CCSER1: variants seen among roughly 807,000 people sequenced by gnomAD.
CCSER1 encodes the protein serine-rich coiled-coil domain-containing protein 1.
In CCSER1, 41 loss-of-function variants were observed where a neutral mutation model predicts 82.0. The ratio of observed to expected loss-of-function variants is 0.50; its 90% CI spans 0.39 to 0.65. The LOEUF (loss-of-function observed/expected upper bound fraction) is 0.65. Among genes scored for constraint, CCSER1 ranks in the 30% least tolerant of loss-of-function variants. The probability of loss-of-function intolerance (pLI) is 0.00; values close to 1 mark genes in which losing one functional copy is unlikely to be tolerated. For missense variants in CCSER1, 1,119 were observed against 1,064.2 expected (o/e 1.05, Z -0.72); for synonymous variants, 414 against 383.9 (o/e 1.08, Z -0.92).
chr4:90,230,298 G>A (rs1162115688), intron 1 of CCSER1, among the ~76,000 whole-genome samples: 1 of 152,238 alleles, frequency 6.6e-6, no homozygotes, highest in East Asian at 1.9e-4. Context: ...AATCAAACTA[G>A]AACTCAGGAT....
intron 10 of CCSER1, among the ~76,000 whole-genome samples, chr4:91,238,901 G>A (rs921921546): frequency 5.3e-5 from 8 of 151,262 alleles, no homozygotes; most frequent in Admixed American, 2.6e-4. Context: ...TCAGCTCACC[G>A]CAACCTCTGC....
At position 90,224,147 on chromosome 4, in the gene CCSER1, A is replaced by T. The variant is rs558585425; in HGVS notation, c.-41-84097A>T. Among the ~76,000 whole-genome samples, 6 of 152,308 alleles carry T rather than the reference A, an allele frequency of 3.9e-5. No individual in the cohort carries two copies. In the East Asian group the frequency reaches 9.7e-4, roughly 25 times the overall value. ...ACAAATCTTTAGAGATTTTATATTTATCTGTGTACAGAACCCAGCTAATCA... is the reference window on the plus strand; with the variant it reads ...ACAAATCTTTAGAGATTTTATATTTTTCTGTGTACAGAACCCAGCTAATCA... On this transcript the variant is annotated intron_variant, in intron 1 of 10. Transcript: ENST00000509176.
At chr4:90,410,913 A>C (rs1754668928) in intron 4 of CCSER1, among the ~76,000 whole-genome samples, 1 of 152,238 alleles carries the variant, frequency 6.6e-6, no homozygotes, top group African/African-American at 2.4e-5. Flanking sequence ...GAAGAATCAA[A>C]TAGACACAAT....
chr4:90,419,260 G>A (rs879412104), intron 4 of CCSER1, among the ~76,000 whole-genome samples: 3 of 151,842 alleles, frequency 2.0e-5, no homozygotes, highest in Admixed American at 6.6e-5. Flanking sequence ...TACTTCAAAA[G>A]GGATACAATA....
chr4:90,578,140 TA>T (rs769202719), intron 5 of CCSER1, among the ~76,000 whole-genome samples: 3 of 152,184 alleles, frequency 2.0e-5, no homozygotes, highest in Non-Finnish European at 2.9e-5. Context: ...TGAGGATTTT[TA>T]AGAAGTAAAA....
intron 10 of CCSER1, among the ~76,000 whole-genome samples, chr4:91,115,841 T>TTATATATATATATATA (rs59028567): frequency 3.5e-5 from 4 of 115,212 alleles, no homozygotes; most frequent in African/African-American, 1.5e-4. Context: ...TTCCATTCTT[T>TTATATATATATATATA]TATATATATA....
Position 90,492,805 on chromosome 4 carries a change from C to T in CCSER1, c.1724+24451C>T, listed in dbSNP as rs181837872. On this transcript the variant is annotated intron_variant, in intron 5 of 10. Coordinates refer to ENST00000509176, the MANE Select transcript of CCSER1 (RefSeq NM_001145065.2). ...AGTAGTCATTCAGGAGCAGGTTGTT[C>T]AGTTTCCATGTAGCTGAGCAGTTTT... is the stretch of plus-strand genomic sequence containing the variant. Among the ~76,000 whole-genome samples the T allele has an allele frequency of 1.5e-3, 230 of 152,252 alleles. 1 individual carries two copies. Among genetic ancestry groups the T allele is most frequent in the African/African-American group, 5.4e-3 (223 of 41,562 alleles).
At chr4:90,163,082 C>CT (rs1209650406) in intron 1 of CCSER1, among the ~76,000 whole-genome samples, 3 of 151,934 alleles carry the variant, frequency 2.0e-5, no homozygotes, top group Admixed American at 6.6e-5. Context: ...TTATTTTCAA[C>CT]TTTTTTGTCA....
intron 3 of CCSER1, among the ~76,000 whole-genome samples, chr4:90,398,507 T>C (rs893206374): frequency 5.9e-5 from 9 of 152,336 alleles, no homozygotes; most frequent in Non-Finnish European, 1.2e-4. Context: ...CTCACATCAG[T>C]GTCTTCACAA....
chr4:90,229,023 T>G (rs1322242687), intron 1 of CCSER1, among the ~76,000 whole-genome samples: 1 of 151,994 alleles, frequency 6.6e-6, no homozygotes, highest in Non-Finnish European at 1.5e-5. Flanking sequence ...ATGGGGAGAA[T>G]GGAACCAAGT....
intron 10 of CCSER1, among the ~76,000 whole-genome samples, chr4:91,294,686 G>A (rs923086758): frequency 6.6e-6 from 1 of 151,624 alleles, no homozygotes; most frequent in Non-Finnish European, 1.5e-5. Flanking sequence ...CCCTGTTTCC[G>A]CATGGCTCTT....
chr4:90,338,297 A>G (rs79710866), intron 3 of CCSER1, among the ~76,000 whole-genome samples: 6,484 of 151,964 alleles, frequency 0.043, 197 homozygotes, highest in African/African-American at 0.076. Flanking sequence ...ACTGACTTAA[A>G]CTTCTGTTTT....
chr4:90,810,880 TG>T (rs1395146576), intron 7 of CCSER1, among the ~76,000 whole-genome samples: 1 of 134,490 alleles, frequency 7.4e-6, no homozygotes, highest in African/African-American at 2.9e-5. Context: ...TCGCCCAGGC[TG>T]GAGTGCAGTG....
At chr4:91,589,813 T>C (rs1764180387) in intron 10 of CCSER1, among the ~76,000 whole-genome samples, 1 of 152,000 alleles carries the variant, frequency 6.6e-6, no homozygotes, top group Non-Finnish European at 1.5e-5. Flanking sequence ...CTGTTATTGC[T>C]TTTATAAGCA....
chr4:90,160,325 G>C (rs1578253291), intron 1 of CCSER1, among the ~76,000 whole-genome samples: 1 of 152,150 alleles, frequency 6.6e-6, no homozygotes, highest in East Asian at 1.9e-4. Context: ...CATTAAGTTG[G>C]GAATTGAAAT....
At chr4:91,487,256 G>A (rs865822950) in intron 10 of CCSER1, among the ~76,000 whole-genome samples, 3 of 151,970 alleles carry the variant, frequency 2.0e-5, no homozygotes, top group African/African-American at 7.2e-5. Flanking sequence ...GGTATTTTAC[G>A]TTTAGAATAC....
chr4:90,802,478 A>G (rs1357999784), intron 7 of CCSER1, among the ~76,000 whole-genome samples: 1 of 151,792 alleles, frequency 6.6e-6, no homozygotes, highest in Non-Finnish European at 1.5e-5. Context: ...AATCAATGGA[A>G]TGTTAATCTC....
At chr4:91,406,590 G>C (rs973262653) in intron 10 of CCSER1, among the ~76,000 whole-genome samples, 1 of 152,124 alleles carries the variant, frequency 6.6e-6, no homozygotes, top group Non-Finnish European at 1.5e-5. Flanking sequence ...AAACAGTAGT[G>C]CTAGTTATCG....
At chr4:90,588,839 C>T (rs902969828) in intron 5 of CCSER1, among the ~76,000 whole-genome samples, 12 of 152,248 alleles carry the variant, frequency 7.9e-5, no homozygotes, top group African/African-American at 2.9e-4. Context: ...TAGCTTCCAC[C>T]ATGATGGTGA....
Sources: gnomAD v4.1 joint callset for allele counts (sites outside exome capture counted in the v4.1 genomes callset) on GRCh38, gnomAD v4.1.1 for gene constraint, MANE v1.5 for transcripts, NCBI Gene and HGNC (gene_info 2026-07-23, HGNC 2026-07-21) for gene names.